Variants in TMC3 observed in about 807,000 individuals in gnomAD.
TMC3 encodes the protein transmembrane channel like 3, also known as transmembrane channel-like protein 3.
In TMC3, 98 loss-of-function variants were observed where a neutral mutation model predicts 110.6. That is an observed-to-expected ratio of 0.89 (90% CI 0.75 to 1.05). The LOEUF is 1.05. Ranked by LOEUF, TMC3 falls within the 50% of genes least tolerant of loss-of-function variation. The pLI, the probability that TMC3 is intolerant of heterozygous loss-of-function variation, is 0.00. For missense variants in TMC3, 1,319 were observed against 1,373.2 expected (o/e 0.96, Z 0.62); for synonymous variants, 489 against 513.1 (o/e 0.95, Z 0.63).
At chr15:81,373,218 C>A (rs1171135869) in intron 1 of TMC3, among the ~76,000 whole-genome samples, 9 of 152,188 alleles carry the variant, frequency 5.9e-5, no homozygotes, top group Admixed American at 5.9e-4. Flanking sequence ...CCTCTTCACC[C>A]TTTCACGTCA....
intron 21 of TMC3, 35 bp downstream of exon 21, chr15:81,334,685 T>A (rs1893550742): frequency 6.3e-7 from 1 of 1,585,946 alleles, no homozygotes; most frequent in Non-Finnish European, 8.6e-7. Context: ...TCTCTCACAT[T>A]CCAGGTTTTA....
At position 81,368,341 on chromosome 15, in the gene TMC3, A is replaced by G; in HGVS notation, c.237-13T>C. 6.2e-7 allele frequency: 1 copy of G among 1,607,678 alleles called. No individual in the cohort carries two copies. Among genetic ancestry groups the G allele is most frequent in the South Asian group, 1.1e-5 (1 of 90,944 alleles). ...GTTCTTCGCTTGTCTAAGAGAAGAA[A>G]AACATGATGGTGAACACAATTGTAT... On this transcript the variant is annotated splice_polypyrimidine_tract_variant and intron_variant, in intron 2 of 21. Transcript: ENST00000359440.
chr15:81,357,239 G>C (rs1446439504), intron 7 of TMC3, among the ~76,000 whole-genome samples: 1 of 152,094 alleles, frequency 6.6e-6, no homozygotes, highest in Non-Finnish European at 1.5e-5. Context: ...AAGCTGGAAA[G>C]CTTCAGGGGA....
At chr15:81,366,955 C>T (rs1404596899) in intron 3 of TMC3, among the ~76,000 whole-genome samples, 4 of 152,114 alleles carry the variant, frequency 2.6e-5, no homozygotes, top group Non-Finnish European at 4.4e-5. Context: ...TAATAATCAA[C>T]ATTGGTGCAG....
intron 10 of TMC3, among the ~76,000 whole-genome samples, chr15:81,349,775 T>G (rs1596085641): frequency 6.6e-6 from 1 of 150,814 alleles, no homozygotes. Context: ...TTTTTTTTTT[T>G]TTGAACTCTC....
intron 2 of TMC3, among the ~76,000 whole-genome samples, chr15:81,370,680 CTTTTT>C (rs10676279): frequency 7.2e-6 from 1 of 139,310 alleles, no homozygotes; most frequent in Admixed American, 7.1e-5. Flanking sequence ...GAAACTATTT[CTTTTT>C]TTTTTTTTTT....
chr15:81,339,657 A>G (rs1031057638), intron 16 of TMC3, among the ~76,000 whole-genome samples, 153 bp from the exon 17 acceptor site: 3 of 152,172 alleles, frequency 2.0e-5, no homozygotes, highest in Non-Finnish European at 4.4e-5. Flanking sequence ...GATCTGTCAT[A>G]GGGTCACATG....
At chr15:81,344,176 T>C (rs1027287047) in intron 13 of TMC3, 131 bp from the exon 14 acceptor site, 2 of 897,906 alleles carry the variant, frequency 2.2e-6, no homozygotes, top group South Asian at 1.8e-5. Flanking sequence ...GGCATCTTCA[T>C]TTCTCATCTT....
At chr15:81,336,721 G>T in intron 19 of TMC3, 70 bp from the exon 20 acceptor site, 1 of 1,506,162 alleles carries the variant, frequency 6.6e-7, no homozygotes. Context: ...TATTCCTGGG[G>T]GAAGAGAAAA....
At chr15:81,338,444 C>G (rs565543505) in intron 18 of TMC3, among the ~76,000 whole-genome samples, 1 of 152,162 alleles carries the variant, frequency 6.6e-6, no homozygotes. Context: ...CCCTCATCGC[C>G]CCTCGCTGAG....
rs1051238442 is a variant in TMC3, at chr15:81,333,010, C to T, written c.2712G>A (p.Trp904Ter). ...DSYKKKHLNV[W>*]PERHFKIDAS... Reference sequence around the variant, plus strand: ...CATCTATCTTGAAATGTCTTTCTGGCCAGACATTTAGATGTTTTTTCTTGT... The same window carrying T: ...CATCTATCTTGAAATGTCTTTCTGGTCAGACATTTAGATGTTTTTTCTTGT... Residue 904 changes from tryptophan to a stop codon, truncating the protein, a stop_gained, in exon 22 of 22, where the codon TGG becomes TGA. Transcript: ENST00000359440. LOFTEE classifies it low-confidence loss of function (END_TRUNC). 6.2e-7 allele frequency: 1 copy of T among 1,613,728 alleles called. No individual in the cohort carries two copies. The highest frequency in any genetic ancestry group is 1.3e-5 in the African/African-American group (1 of 75,002).
chr15:81,348,970 G>A (rs1246468808), intron 11 of TMC3, among the ~76,000 whole-genome samples: 2 of 152,056 alleles, frequency 1.3e-5, no homozygotes, highest in Non-Finnish European at 2.9e-5. Context: ...GCGCCACCAC[G>A]CCCAGCTATT....
intron 4 of TMC3, among the ~76,000 whole-genome samples, chr15:81,361,165 C>A (rs7169554): frequency 6.6e-6 from 1 of 151,842 alleles, no homozygotes; most frequent in African/African-American, 2.4e-5. Context: ...TTTAGCTTTA[C>A]TTTTTATGTA....
intron 1 of TMC3, among the ~76,000 whole-genome samples, chr15:81,372,971 A>G (rs111769927): frequency 0.037 from 5,682 of 151,932 alleles, 134 homozygotes; most frequent in East Asian, 0.067. Context: ...ATTGGATTCA[A>G]TTACTTCCAC....
intron 12 of TMC3, among the ~76,000 whole-genome samples, 175 bp from the exon 13 acceptor site, chr15:81,345,186 A>C (rs1893801013): frequency 6.6e-6 from 1 of 152,176 alleles, no homozygotes; most frequent in Non-Finnish European, 1.5e-5. Flanking sequence ...TGGCCCCAAT[A>C]AGGGAACACA....
intron 3 of TMC3, among the ~76,000 whole-genome samples, chr15:81,365,103 A>G (rs572353830): frequency 6.6e-6 from 1 of 152,310 alleles, no homozygotes; most frequent in East Asian, 1.9e-4. Flanking sequence ...ATAAAAACAA[A>G]CGTTTCCATA....
chr15:81,373,233 A>C (rs1262709473), intron 1 of TMC3, among the ~76,000 whole-genome samples: 1 of 152,176 alleles, frequency 6.6e-6, no homozygotes, highest in East Asian at 1.9e-4. Flanking sequence ...ACGTCAATTC[A>C]TTTTAAGCCT....
intron 1 of TMC3, among the ~76,000 whole-genome samples, chr15:81,372,958 T>A (rs1215912824): frequency 6.6e-6 from 1 of 151,988 alleles, no homozygotes; most frequent in African/African-American, 2.4e-5. Context: ...TTGAAACACA[T>A]TTATTGGATT....
intron 13 of TMC3, among the ~76,000 whole-genome samples, chr15:81,344,470 T>A (rs1349596695): frequency 6.6e-6 from 1 of 152,154 alleles, no homozygotes; most frequent in Non-Finnish European, 1.5e-5. Context: ...ACTATCTGTG[T>A]CCTTGGGCAA....
Sources: gnomAD v4.1 joint callset for allele counts (sites outside exome capture counted in the v4.1 genomes callset) on GRCh38, gnomAD v4.1.1 for gene constraint, MANE v1.5 for transcripts, NCBI Gene and HGNC (gene_info 2026-07-23, HGNC 2026-07-21) for gene names.